Variants in MAGI1 observed in about 807,000 individuals in gnomAD.
MAGI1 encodes the protein membrane associated guanylate kinase, WW and PDZ domain containing 1.
In MAGI1, 58 loss-of-function variants were observed where a neutral mutation model predicts 139.9. The observed-to-expected ratio is 0.41, with a 90% confidence interval of 0.34 to 0.52. The LOEUF (loss-of-function observed/expected upper bound fraction) is 0.52. Ranked by LOEUF, MAGI1 falls within the 20% of genes least tolerant of loss-of-function variation. MAGI1 has a pLI of 0.12. For synonymous variants in MAGI1, 812 were observed against 737.9 expected (o/e 1.10, Z -1.63); for missense variants, 1,874 against 1,901.6 (o/e 0.99, Z 0.27).
intron 13 of MAGI1, among the ~76,000 whole-genome samples, chr3:65,400,312 A>G (rs190081707): frequency 4.2e-4 from 64 of 152,262 alleles, no homozygotes; most frequent in African/African-American, 1.4e-3. Flanking sequence ...TCTTTGGAGA[A>G]CTTAGGAGTG....
At chr3:65,786,261 T>TTC (rs1232934597) in intron 1 of MAGI1, among the ~76,000 whole-genome samples, 1 of 150,100 alleles carries the variant, frequency 6.7e-6, no homozygotes, top group Non-Finnish European at 1.5e-5. Flanking sequence ...CTTTTTTTTT[T>TTC]TTTTTTTTTG....
intron 2 of MAGI1, among the ~76,000 whole-genome samples, chr3:65,549,229 G>C: frequency 6.6e-6 from 1 of 152,122 alleles, no homozygotes; most frequent in Admixed American, 6.5e-5. Context: ...GGCGGCAAGT[G>C]CAGCGCGTTC....
At chr3:65,885,305 G>A (rs974856630) in intron 1 of MAGI1, among the ~76,000 whole-genome samples, 6 of 151,806 alleles carry the variant, frequency 4.0e-5, no homozygotes, top group Non-Finnish European at 8.8e-5. Context: ...GCTAAGCCAG[G>A]AGAATCACTT....
At chr3:65,812,468 T>TCTCTCACACACACACACACA (rs1176899313) in intron 1 of MAGI1, among the ~76,000 whole-genome samples, 12 of 89,160 alleles carry the variant, frequency 1.3e-4, no homozygotes, top group South Asian at 4.8e-4. Flanking sequence ...TCTCTCTCTC[T>TCTCTCACACACACACACACA]CACACACACA....
At chr3:65,447,845 C>T (rs139241374) in intron 7 of MAGI1, among the ~76,000 whole-genome samples, 177 bp downstream of exon 7, 1 of 152,316 alleles carries the variant, frequency 6.6e-6, no homozygotes, top group East Asian at 1.9e-4. Flanking sequence ...CCGCGTGATG[C>T]CTGCAGGCAG....
intron 1 of MAGI1, among the ~76,000 whole-genome samples, chr3:65,724,762 C>A (rs191276390): frequency 9.5e-4 from 144 of 152,222 alleles, no homozygotes; most frequent in African/African-American, 3.0e-3. Flanking sequence ...GCAAACATGT[C>A]CTTCTTCACA....
chr3:65,856,628 C>T (rs929393582), intron 1 of MAGI1, among the ~76,000 whole-genome samples: 3 of 152,208 alleles, frequency 2.0e-5, no homozygotes, highest in Middle Eastern at 3.2e-3. Flanking sequence ...TTCCTCCCCT[C>T]CATTCTGACA....
chr3:66,009,114 G>C (rs1372443841), intron 1 of MAGI1: 1 of 152,348 alleles, frequency 6.6e-6, no homozygotes, highest in African/African-American at 2.4e-5. Flanking sequence ...TAAGCAAGAA[G>C]TGCCCCAGTG....
intron 1 of MAGI1, among the ~76,000 whole-genome samples, chr3:66,004,378 C>G (rs916959957): frequency 3.3e-5 from 5 of 152,100 alleles, no homozygotes; most frequent in African/African-American, 1.2e-4. Context: ...GGCTGTCGGC[C>G]GAAACACCTA....
intron 1 of MAGI1, among the ~76,000 whole-genome samples, chr3:65,823,674 A>G (rs2042065347): frequency 1.3e-5 from 2 of 152,178 alleles, no homozygotes; most frequent in Admixed American, 1.3e-4. Context: ...CCTAATCTCT[A>G]TTTTTATGAG....
At chr3:65,591,526 G>A (rs989814045) in intron 2 of MAGI1, among the ~76,000 whole-genome samples, 8 of 152,116 alleles carry the variant, frequency 5.3e-5, no homozygotes, top group Middle Eastern at 3.4e-3. Flanking sequence ...CCGCTCCTTC[G>A]GAAAACCTCA....
At chr3:65,428,499 C>T (rs1443515440) in intron 12 of MAGI1, among the ~76,000 whole-genome samples, 1 of 152,126 alleles carries the variant, frequency 6.6e-6, no homozygotes, top group African/African-American at 2.4e-5. Flanking sequence ...AGATCCTAAA[C>T]TACTAAACGC....
intron 2 of MAGI1, among the ~76,000 whole-genome samples, chr3:65,543,472 T>C (rs1233262625): frequency 6.6e-6 from 1 of 152,184 alleles, no homozygotes; most frequent in Non-Finnish European, 1.5e-5. Flanking sequence ...TGCAGCACTA[T>C]TCACAATAGC....
chr3:65,750,443 G>GC (rs2036053056), intron 1 of MAGI1, among the ~76,000 whole-genome samples: 1 of 152,186 alleles, frequency 6.6e-6, no homozygotes, highest in Non-Finnish European at 1.5e-5. Context: ...TAGATGAACT[G>GC]TAGAATGAGT....
intron 2 of MAGI1, among the ~76,000 whole-genome samples, chr3:65,573,625 G>A (rs2081054436): frequency 6.6e-6 from 1 of 151,956 alleles, no homozygotes; most frequent in African/African-American, 2.4e-5. Flanking sequence ...AAAACCTGCA[G>A]CTAACATCAT....
rs937379217 is a variant in MAGI1 at position 65,604,921 on chromosome 3, G to A, written c.430+17051C>T. On this transcript the variant is annotated intron_variant, in intron 2 of 22. Coordinates refer to ENST00000402939, the MANE Select transcript of MAGI1 (RefSeq NM_001033057.2). ...TACTTCCCTCCAAGGTGCAAAACAT[G>A]ACCATCTTCTTGGAATGTACTCAAA... Among the ~76,000 whole-genome samples, 6 of 152,142 alleles carry A rather than the reference G, an allele frequency of 3.9e-5. No homozygotes were observed. The South Asian group carries it at 1.0e-3, about 26-fold the overall frequency.
intron 1 of MAGI1, among the ~76,000 whole-genome samples, chr3:65,626,906 A>G (rs142299486): frequency 2.4e-4 from 36 of 152,320 alleles, no homozygotes; most frequent in African/African-American, 8.2e-4. Flanking sequence ...TAAATTGTCT[A>G]CTAATTGTCA....
intron 2 of MAGI1, among the ~76,000 whole-genome samples, chr3:65,618,495 A>G (rs971498895): frequency 6.6e-6 from 1 of 152,112 alleles, no homozygotes; most frequent in Non-Finnish European, 1.5e-5. Flanking sequence ...TGTGCCTTCC[A>G]TTGCTTCCAA....
At chr3:65,912,554 C>A (rs1208893682) in intron 1 of MAGI1, among the ~76,000 whole-genome samples, 2 of 152,148 alleles carry the variant, frequency 1.3e-5, no homozygotes, top group African/African-American at 4.8e-5. Flanking sequence ...TTTCAGGTCA[C>A]ACGCAAAGTA....
Sources: gnomAD v4.1 joint callset for allele counts (sites outside exome capture counted in the v4.1 genomes callset) on GRCh38, gnomAD v4.1.1 for gene constraint, MANE v1.5 for transcripts, NCBI Gene and HGNC (gene_info 2026-07-23, HGNC 2026-07-21) for gene names.